Variants in KIF13B observed in about 807,000 individuals in gnomAD.
KIF13B encodes kinesin family member 13B.
In KIF13B, 127 loss-of-function variants were observed where a neutral mutation model predicts 222.0. The ratio of observed to expected loss-of-function variants is 0.57; its 90% CI spans 0.50 to 0.66. The LOEUF (loss-of-function observed/expected upper bound fraction) is 0.66, where lower values mean the gene tolerates loss of function less well. Ranked by LOEUF, KIF13B falls within the 30% of genes least tolerant of loss-of-function variation. The pLI is 0.00. For synonymous variants in KIF13B, 976 were observed against 919.0 expected (o/e 1.06, Z -1.12); for missense variants, 2,173 against 2,379.0 (o/e 0.91, Z 1.80).
chr8:29,127,260 G>A lies in KIF13B; in HGVS notation c.3084C>T (p.Ser1028=). The change falls in exon 25 of 40, where the codon TCC becomes TCT. Residue 1028 remains serine (S), a synonymous_variant. Transcript: ENST00000524189. ...ACTTCACTTCGACTTGAACTCTCCG[G>A]GACTGCCCCTGGGTCACAGACAATT... is the stretch of plus-strand genomic sequence containing the variant. ...GGIFQLRQGQ[S]RRVQVEVKSV... The A allele has an allele frequency of 6.2e-7, 1 of 1,613,392 alleles. No homozygotes were observed. Among genetic ancestry groups the A allele is most frequent in the South Asian group, 1.1e-5 (1 of 90,996 alleles).
rs553804618 is a variant in KIF13B at position 29,178,627 on chromosome 8, G to A, written c.721-1049C>T. Among the ~76,000 whole-genome samples, 93 of 142,910 alleles carry A rather than the reference G, an allele frequency of 6.5e-4. 3 individuals carry two copies. In the South Asian group the frequency reaches 0.019, roughly 30 times the overall value. 93.8% of individuals were successfully genotyped at this position (142,910 alleles called of 152,430 possible). ...TGCTGTTAACAAAAGGTTATTCAGT[G>A]TCCCAAATCAAAAGTACTTTTAGTT... On this transcript the variant is annotated intron_variant, in intron 8 of 39. Coordinates refer to ENST00000524189, the MANE Select transcript of KIF13B (RefSeq NM_015254.4).
chr8:29,241,315 G>A (rs1347908068), intron 2 of KIF13B, among the ~76,000 whole-genome samples: 1 of 152,206 alleles, frequency 6.6e-6, no homozygotes, highest in Non-Finnish European at 1.5e-5. Context: ...AGATAGTGGT[G>A]CAGGTTGCAC....
In KIF13B at chr8:29,072,120, A is replaced by G; in HGVS notation, c.4718T>C (p.Val1573Ala). Residue 1573 changes from valine (V) to alanine (A), a missense_variant, in exon 39 of 40, where the codon GTC becomes GCC. Transcript: ENST00000524189. The stretch of plus-strand genomic sequence containing the variant: ...GGCGTCCGACAGGGTCGCGGTGGAG[A>G]CGCTGTGGGAGAAGTACCCGCTAGA... ...EASSGYFSHS[V>A]STATLSDALG... 7.3e-7 allele frequency: 1 copy of G among 1,371,428 alleles called. No homozygotes were observed. Among genetic ancestry groups the G allele is most frequent in the Non-Finnish European group, 9.4e-7 (1 of 1,060,016 alleles). 85.0% of individuals were successfully genotyped at this position (1,371,428 alleles called of 1,614,324 possible). A position where few individuals can be genotyped will look rare whatever the true frequency, so the allele number is the denominator to read the frequency against.
At chr8:29,227,946 A>T (rs1381409838) in intron 2 of KIF13B, among the ~76,000 whole-genome samples, 1 of 151,980 alleles carries the variant, frequency 6.6e-6, no homozygotes, top group Middle Eastern at 3.4e-3. Flanking sequence ...GCAAGACTTT[A>T]AAAAAAATTT....
rs772905046 is a variant in KIF13B at position 29,075,249 on chromosome 8, TG to T, written c.4521+31del. On this transcript the variant is annotated intron_variant, in intron 38 of 39. Transcript: ENST00000524189. ...ATCAGGGCCACCTGCTCGCTGTAGGTGGGGTGGCCACCCGTGACCCAACAGA... is the reference window on the plus strand; with the variant it reads ...ATCAGGGCCACCTGCTCGCTGTAGGTGGGTGGCCACCCGTGACCCAACAGA... 5.7e-5 allele frequency: 88 copies of T among 1,542,574 alleles called. 1 individual carries two copies. Among genetic ancestry groups the T allele is most frequent in the Non-Finnish European group, 6.9e-5 (79 of 1,139,264 alleles).
intron 2 of KIF13B, among the ~76,000 whole-genome samples, chr8:29,217,447 C>T (rs1048695431): frequency 6.6e-6 from 1 of 152,194 alleles, no homozygotes; most frequent in African/African-American, 2.4e-5. Context: ...GTTTCCTGCT[C>T]TATAAAATGT....
At chr8:29,080,823 G>C (rs1225624575) in intron 37 of KIF13B, among the ~76,000 whole-genome samples, 1 of 152,108 alleles carries the variant, frequency 6.6e-6, no homozygotes, top group African/African-American at 2.4e-5. Context: ...GCCCCTCCAA[G>C]CAGTGCCTCG....
At position 29,134,085 on chromosome 8, in the gene KIF13B, G is replaced by A. The variant is rs371997397; in HGVS notation, c.2739C>T (p.Ser913=). 72 of 1,613,864 alleles carry A rather than the reference G, an allele frequency of 4.5e-5. No individual in the cohort carries two copies. The highest frequency in any genetic ancestry group is 5.7e-5 in the Non-Finnish European group (67 of 1,179,884). ...CCATGCAGTGCGGCTCCTTGCTGAC[G>A]GAAGAGGAGGAGGTGTCCACTTCAG... ...VAPEVDTSSS[S]VSKEPHCMVV... Residue 913 remains serine (S), a synonymous_variant, in exon 22 of 40, where the codon TCC becomes TCT. Transcript: ENST00000524189.
intron 27 of KIF13B, among the ~76,000 whole-genome samples, chr8:29,123,779 A>G (rs1809984397): frequency 6.6e-6 from 1 of 152,198 alleles, no homozygotes; most frequent in South Asian, 2.1e-4. Context: ...GTTATCTTTG[A>G]CAAACCATGT....
At chr8:29,106,534 A>G (rs1774513793) in intron 35 of KIF13B, among the ~76,000 whole-genome samples, 1 of 144,254 alleles carries the variant, frequency 6.9e-6, no homozygotes, top group African/African-American at 2.5e-5. Context: ...GGGGAGGCTG[A>G]GGCAGGAGAA....
chr8:29,185,586 T>C (rs1255643960), intron 6 of KIF13B, among the ~76,000 whole-genome samples: 2 of 152,216 alleles, frequency 1.3e-5, no homozygotes, highest in Non-Finnish European at 2.9e-5. Flanking sequence ...GAGGGTTCTG[T>C]TTGCTCTTGA....
intron 1 of KIF13B, among the ~76,000 whole-genome samples, chr8:29,248,501 A>G (rs1816135879): frequency 6.6e-6 from 1 of 152,222 alleles, no homozygotes; most frequent in Non-Finnish European, 1.5e-5. Context: ...CGAAAGGCAC[A>G]TCTCACATGG....
chr8:29,181,580 C>T lies in KIF13B; in HGVS notation c.585+339G>A, dbSNP rs550016137. Among the ~76,000 whole-genome samples the T allele has an allele frequency of 2.6e-5, 4 of 152,118 alleles. No homozygotes were observed. The South Asian group carries it at 8.3e-4, about 32-fold the overall frequency. On this transcript the variant is annotated intron_variant, in intron 7 of 39. Coordinates refer to ENST00000524189, the MANE Select transcript of KIF13B (RefSeq NM_015254.4). ...AAATTCACCATGATACATAAAAAGC[C>T]TCAAAGTAAAAACATTAACTGCAAA... is the stretch of plus-strand genomic sequence containing the variant.
At chr8:29,104,035 A>G (rs952843369) in intron 35 of KIF13B, among the ~76,000 whole-genome samples, 1 of 151,978 alleles carries the variant, frequency 6.6e-6, no homozygotes, top group Non-Finnish European at 1.5e-5. Context: ...ATGTGGATGG[A>G]GTCCTTCCTA....
Position 29,132,303 on chromosome 8 carries a change from T to C in KIF13B, c.2942+5A>G. The C allele has an allele frequency of 6.8e-7, 1 of 1,479,788 alleles. No homozygotes were observed. Among genetic ancestry groups the C allele is most frequent in the Non-Finnish European group, 9.0e-7 (1 of 1,113,390 alleles). The allele number at this position is 1,479,788 out of a possible 1,614,324, so 91.7% of individuals were successfully genotyped here. On this transcript the variant is annotated splice_donor_5th_base_variant and intron_variant, in intron 23 of 39. Coordinates refer to ENST00000524189, the MANE Select transcript of KIF13B (RefSeq NM_015254.4). ...AATGGAATCAGATGAACATCTAATA[T>C]TCACCTGTCCCGAAGACTACGTGTC...
In KIF13B at chr8:29,068,904, G is replaced by A. The variant is rs1175576214; in HGVS notation, c.*1600C>T. 1 of 152,264 alleles carries A rather than the reference G, an allele frequency of 6.6e-6. No individual in the cohort carries two copies. The highest frequency in any genetic ancestry group is 1.5e-5 in the Non-Finnish European group (1 of 68,070). 9.4% of individuals were successfully genotyped at this position (152,264 alleles called of 1,614,324 possible). On this transcript the variant is annotated 3_prime_UTR_variant, in exon 40 of 40. Transcript: ENST00000524189. The surrounding 1 kb of genome is among the most constrained non-coding windows in gnomAD (Gnocchi z 4.4). ...GCTAAGGACAGGGAGAGCCCTGGAG[G>A]AGTGCCTCCCCCCAGGGGCCGGGCC... is the stretch of plus-strand genomic sequence containing the variant.
At chr8:29,246,894 C>G (rs1816051257) in intron 1 of KIF13B, among the ~76,000 whole-genome samples, 1 of 152,180 alleles carries the variant, frequency 6.6e-6, no homozygotes, top group Non-Finnish European at 1.5e-5. Flanking sequence ...TGGATATCCA[C>G]AGGCAAAAGA....
chr8:29,123,086 A>G (rs1391307155), intron 28 of KIF13B, among the ~76,000 whole-genome samples: 1 of 152,214 alleles, frequency 6.6e-6, no homozygotes, highest in African/African-American at 2.4e-5. Flanking sequence ...TAATTAACAT[A>G]TTAACTATTT....
intron 1 of KIF13B, among the ~76,000 whole-genome samples, chr8:29,247,266 T>C (rs981572812): frequency 5.9e-5 from 9 of 152,152 alleles, no homozygotes; most frequent in African/African-American, 2.2e-4. Context: ...TACATACCTA[T>C]AGTTCCAACT....
Sources: allele counts gnomAD v4.1 joint callset (sites outside exome capture counted in the v4.1 genomes callset), GRCh38; gene constraint gnomAD v4.1.1; non-coding constraint Gnocchi (gnomAD v3.1); transcripts MANE v1.5; gene names NCBI Gene and HGNC (gene_info 2026-07-23, HGNC 2026-07-21).